Variants in ZNF804B observed in about 807,000 individuals in gnomAD.
The protein encoded by ZNF804B is zinc finger protein 804B, also known as zinc finger 804B.
Under a neutral mutation model 101.4 loss-of-function variants are expected in ZNF804B, and 80 were observed. The ratio of observed to expected loss-of-function variants is 0.79; its 90% CI spans 0.66 to 0.95. The LOEUF (loss-of-function observed/expected upper bound fraction) is 0.95, where lower values mean the gene tolerates loss of function less well. Ranked by LOEUF, ZNF804B falls within the 40% of genes least tolerant of loss-of-function variation. The pLI is 0.00. For missense variants in ZNF804B, 1,673 were observed against 1,561.9 expected, an observed-to-expected ratio of 1.07 and a Z score of -1.20; for synonymous variants, 622 against 558.8, an observed-to-expected ratio of 1.11 and a Z score of -1.59.
rs2708624 is a variant in ZNF804B at position 89,176,474 on chromosome 7, T to C, written c.109-41681T>C. ...TGGTCATGATGAATGATCTTTTTAA[T>C]GTGTTGTTGAATTTATTTTTAAAAA... On this transcript the variant is annotated intron_variant, in intron 1 of 3. Coordinates refer to ENST00000333190, the MANE Select transcript of ZNF804B (RefSeq NM_181646.5). Among the ~76,000 whole-genome samples, 6,767 of 151,980 alleles carry C rather than the reference T, an allele frequency of 0.045. 1,199 individuals carry two copies. In the East Asian group the frequency reaches 0.6, roughly 13 times the overall value.
intron 1 of ZNF804B, among the ~76,000 whole-genome samples, chr7:89,133,440 GC>G (rs1157262939): frequency 1.8e-4 from 28 of 151,944 alleles, no homozygotes; most frequent in South Asian, 4.2e-4. Flanking sequence ...TTCACATAAG[GC>G]CAGGGTTAAG....
intron 1 of ZNF804B, among the ~76,000 whole-genome samples, chr7:88,846,334 A>G (rs1233778158): frequency 6.6e-6 from 1 of 152,254 alleles, no homozygotes; most frequent in Non-Finnish European, 1.5e-5. Context: ...AAGAATATTC[A>G]TGAAAAAACA....
At chr7:89,221,746 AT>A (rs1789007925) in intron 2 of ZNF804B, among the ~76,000 whole-genome samples, 1 of 138,752 alleles carries the variant, frequency 7.2e-6, no homozygotes, top group South Asian at 2.2e-4. Context: ...ATTCTATTCT[AT>A]TCTATCTATA....
At chr7:89,232,275 A>G (rs771381892) in intron 2 of ZNF804B, among the ~76,000 whole-genome samples, 2 of 152,196 alleles carry the variant, frequency 1.3e-5, no homozygotes, top group Non-Finnish European at 2.9e-5. Flanking sequence ...TTTCTGGAGT[A>G]AATCTCACTC....
intron 1 of ZNF804B, among the ~76,000 whole-genome samples, chr7:89,080,294 TAA>T (rs34691685): frequency 3.2e-4 from 47 of 146,824 alleles, no homozygotes; most frequent in Admixed American, 4.1e-4. Context: ...CTCTTCACCT[TAA>T]AAAAAAAAAA....
intron 1 of ZNF804B, among the ~76,000 whole-genome samples, chr7:88,951,447 T>TAC (rs1237322559): frequency 2.0e-5 from 3 of 151,942 alleles, no homozygotes; most frequent in African/African-American, 7.2e-5. Context: ...TTTGTGTACA[T>TAC]ACACACACAT....
At chr7:88,988,466 C>T (rs1426125717) in intron 1 of ZNF804B, among the ~76,000 whole-genome samples, 1 of 152,084 alleles carries the variant, frequency 6.6e-6, no homozygotes, top group Admixed American at 6.6e-5. Context: ...GGGCATCATG[C>T]ATTCACTGAC....
chr7:88,868,164 C>T (rs144585328), intron 1 of ZNF804B, among the ~76,000 whole-genome samples: 1 of 151,688 alleles, frequency 6.6e-6, no homozygotes, highest in African/African-American at 2.4e-5. Flanking sequence ...ATTTCAATGT[C>T]GAAGGTAGTA....
intron 1 of ZNF804B, among the ~76,000 whole-genome samples, chr7:88,782,303 T>G (rs539664501): frequency 6.6e-6 from 1 of 152,132 alleles, no homozygotes; most frequent in African/African-American, 2.4e-5. Flanking sequence ...AGGGAGGACA[T>G]AATTAATAGA....
chr7:89,043,735 C>T (rs922257492), intron 1 of ZNF804B, among the ~76,000 whole-genome samples: 1 of 152,134 alleles, frequency 6.6e-6, no homozygotes, highest in Non-Finnish European at 1.5e-5. Context: ...ATGATTCACT[C>T]TGTCTGCTGA....
chr7:89,047,728 A>G (rs180951406), intron 1 of ZNF804B, among the ~76,000 whole-genome samples: 1 of 152,080 alleles, frequency 6.6e-6, no homozygotes, highest in East Asian at 1.9e-4. Context: ...AACAGCATGA[A>G]CTCAGGGCAC....
intron 1 of ZNF804B, among the ~76,000 whole-genome samples, chr7:89,185,499 T>A (rs1162796175): frequency 6.6e-6 from 1 of 152,036 alleles, no homozygotes; most frequent in Non-Finnish European, 1.5e-5. Context: ...GTTAGTCCAG[T>A]AAATAGTGAA....
At position 88,829,639 on chromosome 7, in the gene ZNF804B, GAGA is replaced by G. The variant is rs1441659410; in HGVS notation, c.108+69561_108+69563del. 7.2e-5 allele frequency among the ~76,000 whole-genome samples: 11 copies of G among 152,134 alleles called. No individual in the cohort carries two copies. The East Asian group carries it at 1.7e-3, about 24-fold the overall frequency. The stretch of plus-strand genomic sequence containing the variant: ...CTCTTCCACAATTAAAGATAAAAAA[GAGA>G]AGAAGTTGGAAGTGTGTTATGTTAG... On this transcript the variant is annotated intron_variant, in intron 1 of 3. Transcript: ENST00000333190.
At chr7:88,794,843 GA>G (rs879645352) in intron 1 of ZNF804B, 8 of 1,613,536 alleles carry the variant, frequency 5.0e-6, no homozygotes, top group Non-Finnish European at 6.8e-6. Context: ...TTCTCTTCTT[GA>G]AAGTGCAGGT....
At chr7:88,908,649 A>C (rs2115969691) in intron 1 of ZNF804B, among the ~76,000 whole-genome samples, 1 of 151,900 alleles carries the variant, frequency 6.6e-6, no homozygotes, top group East Asian at 1.9e-4. Flanking sequence ...AATACTTTCA[A>C]ACACCCCCAC....
intron 2 of ZNF804B, among the ~76,000 whole-genome samples, chr7:89,265,265 A>AGT (rs71102029): frequency 0.016 from 2,389 of 145,200 alleles, 37 homozygotes; most frequent in African/African-American, 0.039. Flanking sequence ...AGGTTAAGTC[A>AGT]GTGTGTGTGT....
chr7:88,914,093 GTTTGTGGA>G (rs1792594662), intron 1 of ZNF804B, among the ~76,000 whole-genome samples: 1 of 152,132 alleles, frequency 6.6e-6, no homozygotes, highest in Non-Finnish European at 1.5e-5. Flanking sequence ...GAATAGGTGG[GTTTGTGGA>G]CATATGCTCT....
intron 1 of ZNF804B, among the ~76,000 whole-genome samples, chr7:89,160,483 A>G (rs1271588819): frequency 1.3e-5 from 2 of 152,212 alleles, no homozygotes; most frequent in Non-Finnish European, 2.9e-5. Flanking sequence ...GAAAAGATCA[A>G]TTTAGTTCTT....
At chr7:88,785,347 C>G (rs1356428264) in intron 1 of ZNF804B, among the ~76,000 whole-genome samples, 2 of 152,190 alleles carry the variant, frequency 1.3e-5, no homozygotes, top group South Asian at 2.1e-4. Flanking sequence ...CTTTCCACCT[C>G]TTTCTATTCA....
Sources: allele counts gnomAD v4.1 joint callset (sites outside exome capture counted in the v4.1 genomes callset), GRCh38; gene constraint gnomAD v4.1.1; transcripts MANE v1.5; gene names NCBI Gene and HGNC (gene_info 2026-07-23, HGNC 2026-07-21).